The following SRGAP2 variants were observed in gnomAD, a reference collection of about 807,000 sequenced individuals.
SRGAP2 encodes SLIT-ROBO Rho GTPase-activating protein 2.
In SRGAP2, 15 loss-of-function variants were observed where a neutral mutation model predicts 57.2. The ratio of observed to expected loss-of-function variants is 0.26; its 90% CI spans 0.18 to 0.40. SRGAP2 has a LOEUF of 0.40. Among genes scored for constraint, SRGAP2 ranks in the 10% least tolerant of loss-of-function variants. The pLI is 1.00. For synonymous variants in SRGAP2, 249 were observed against 248.0 expected, an observed-to-expected ratio of 1.00 and a Z score of -0.04; for missense variants, 520 against 669.6, an observed-to-expected ratio of 0.78 and a Z score of 2.47.
chr1:206,453,182 CT>C lies in SRGAP2; in HGVS notation c.2180-14del, dbSNP rs782759643. The C allele has an allele frequency of 3.6e-4, 176 of 483,780 alleles. No homozygotes were observed. The East Asian group carries it at 5.9e-3, about 16-fold the overall frequency. The allele number at this position is 483,780 out of a possible 1,614,324, so 30.0% of individuals were successfully genotyped here. ...AGGTCCCAAGAACATGTGTTTACTT[CT>C]TTTCCACCCTTCTCAGAATGTGAGC... On this transcript the variant is annotated splice_polypyrimidine_tract_variant and intron_variant, in intron 19 of 22. Transcript: ENST00000573034.
intron 4 of SRGAP2, among the ~76,000 whole-genome samples, chr1:206,345,241 T>A (rs199523595): frequency 0.03 from 889 of 29,234 alleles, no homozygotes; most frequent in East Asian, 0.13. Context: ...CAGTATGTAC[T>A]CTTTTTTGTT....
At chr1:206,304,475 T>C (rs1672072592) in intron 3 of SRGAP2, among the ~76,000 whole-genome samples, 1 of 148,266 alleles carries the variant, frequency 6.7e-6, no homozygotes, top group East Asian at 2.0e-4. Context: ...ACCCATAAAA[T>C]ATGCTAATAC....
At chr1:206,260,478 C>T (rs1211898072) in intron 2 of SRGAP2, among the ~76,000 whole-genome samples, 7 of 152,054 alleles carry the variant, frequency 4.6e-5, no homozygotes, top group Non-Finnish European at 8.8e-5. Context: ...GGGTGTCACT[C>T]TTAATAGTTC....
chr1:206,318,727 G>A (rs1297527129), intron 3 of SRGAP2, among the ~76,000 whole-genome samples: 2 of 152,112 alleles, frequency 1.3e-5, no homozygotes, highest in African/African-American at 4.8e-5. Flanking sequence ...GTGAGAGTGG[G>A]AGTGAGAGTC....
rs1484629685 is a variant in SRGAP2 at position 206,203,593 on chromosome 1, G to A, written c.-600G>A. ...AACGGGTGGCGGGGAAGAGAGGGGA[G>A]GAGAGCTCTGAGTGGGAAGCGGAGC... On this transcript the variant is annotated 5_prime_UTR_variant, in exon 1 of 23. Transcript: ENST00000573034. 9.0e-5 allele frequency: 53 copies of A among 590,362 alleles called. No homozygotes were observed. Among genetic ancestry groups the A allele is most frequent in the Admixed American group, 2.8e-4 (9 of 31,592 alleles). The allele number at this position is 590,362 out of a possible 1,614,324, so 36.6% of individuals were successfully genotyped here. A position where few individuals can be genotyped will look rare whatever the true frequency, so the allele number is the denominator to read the frequency against.
chr1:206,450,539 A>G, intron 19 of SRGAP2, 74 bp downstream of exon 19: 1 of 735,964 alleles, frequency 1.4e-6, no homozygotes, highest in South Asian at 1.4e-5. Context: ...TATCCTGTGC[A>G]TCTGATGAAC....
chr1:206,239,110 A>G (rs1553308564), intron 2 of SRGAP2, among the ~76,000 whole-genome samples: 1 of 150,508 alleles, frequency 6.6e-6, no homozygotes, highest in African/African-American at 2.4e-5. Flanking sequence ...AGCAGATACT[A>G]CAAATGCAAT....
Position 206,418,908 on chromosome 1 carries a change from G to C in SRGAP2, c.1442-465G>C, listed in dbSNP as rs1022181859. ...TCTCTCTGTGTGTGTGTGTGTGTGT[G>C]TGTGTGTGTGTGTGTGTGTGTGTGT... On this transcript the variant is annotated intron_variant, in intron 11 of 22. Coordinates refer to ENST00000573034, the MANE Select transcript of SRGAP2 (RefSeq NM_015326.5). Among the ~76,000 whole-genome samples the C allele has an allele frequency of 7.6e-3, 1,152 of 151,644 alleles. 21 individuals are homozygous for C. Among genetic ancestry groups the C allele is most frequent in the African/African-American group, 0.026 (1,091 of 41,306 alleles).
Position 206,453,251 on chromosome 1 carries a change from C to A in SRGAP2, c.2231C>A (p.Ala744Asp). 1.4e-6 allele frequency: 1 copy of A among 731,560 alleles called. No individual in the cohort carries two copies. The highest frequency in any genetic ancestry group is 2.6e-6 in the Non-Finnish European group (1 of 391,866). 45.3% of individuals were successfully genotyped at this position (731,560 alleles called of 1,614,324 possible). The change falls in exon 20 of 23, where the codon GCC becomes GAC. Residue 744 changes from alanine to aspartate, a missense_variant. This residue lies in a region of SRGAP2 where 478 missense variants were observed against 373.6 expected (regional missense o/e 1.28). Transcript: ENST00000573034. ...AAGTTTGACTACGTGGGCCGGACAG[C>A]CCGAGAGCTATCCTTTAAGAAGGGA... ...IAKFDYVGRT[A>D]RELSFKKGAS...
At chr1:206,360,458 G>C (rs571153941) in intron 4 of SRGAP2, among the ~76,000 whole-genome samples, 2 of 148,752 alleles carry the variant, frequency 1.3e-5, no homozygotes, top group East Asian at 4.0e-4. Flanking sequence ...TGTGTGAAGA[G>C]AGTGCTTTAG....
At chr1:206,433,537 A>T (rs1558428203) in intron 14 of SRGAP2, among the ~76,000 whole-genome samples, 1 of 152,026 alleles carries the variant, frequency 6.6e-6, no homozygotes, top group Admixed American at 6.6e-5. Context: ...TCTACTCGGG[A>T]GGCTGAGGCA....
chr1:206,270,793 A>G (rs1670139112), intron 2 of SRGAP2, among the ~76,000 whole-genome samples: 1 of 38,572 alleles, frequency 2.6e-5, no homozygotes, highest in Non-Finnish European at 4.8e-5. Context: ...CACAGTTAGT[A>G]TTTCTTGAAG....
At chr1:206,433,133 G>C (rs1572142742) in intron 14 of SRGAP2, among the ~76,000 whole-genome samples, 1 of 152,036 alleles carries the variant, frequency 6.6e-6, no homozygotes, top group Non-Finnish European at 1.5e-5. Context: ...GAGAGAAGAA[G>C]ATATAAGAAT....
chr1:206,370,848 T>G (rs1654485310), intron 4 of SRGAP2, among the ~76,000 whole-genome samples: 1 of 147,428 alleles, frequency 6.8e-6, no homozygotes, highest in Admixed American at 6.8e-5. Context: ...GATTAGATGG[T>G]GCTGAATAAA....
chr1:206,401,978 A>G (rs1341212673), intron 8 of SRGAP2, among the ~76,000 whole-genome samples: 2 of 151,410 alleles, frequency 1.3e-5, no homozygotes, highest in Non-Finnish European at 2.9e-5. Context: ...AACAGCAGGT[A>G]TATTCTAAAA....
At chr1:206,340,281 C>T (rs199700815) in intron 3 of SRGAP2, among the ~76,000 whole-genome samples, 5 of 136,166 alleles carry the variant, frequency 3.7e-5, no homozygotes, top group East Asian at 2.3e-4. Context: ...TTTTGATCTG[C>T]GGTCTACCTT....
intron 13 of SRGAP2, among the ~76,000 whole-genome samples, chr1:206,421,595 C>A (rs782237726): frequency 6.6e-6 from 1 of 152,226 alleles, no homozygotes; most frequent in Non-Finnish European, 1.5e-5. Flanking sequence ...AGGCTTGACA[C>A]TTCCTACATT....
chr1:206,398,331 T>C (rs1181625191), intron 7 of SRGAP2, among the ~76,000 whole-genome samples: 3 of 151,548 alleles, frequency 2.0e-5, no homozygotes, highest in African/African-American at 7.3e-5. Flanking sequence ...TACAGGTATA[T>C]AGATAGTCAA....
rs1192198662 is a variant in SRGAP2 at position 206,372,898 on chromosome 1, C to CCTTT, written c.424-11059_424-11056dup. On this transcript the variant is annotated intron_variant, in intron 4 of 22. Coordinates refer to ENST00000573034, the MANE Select transcript of SRGAP2 (RefSeq NM_015326.5). The stretch of plus-strand genomic sequence containing the variant: ...TAGATTCCTTTCTTTCTTTCTCTCT[C>CCTTT]CTTTCTTTCTTTCTTTCTTTCTTTC... Among the ~76,000 whole-genome samples, 264 of 26,738 alleles carry CCTTT rather than the reference C, an allele frequency of 9.9e-3. 26 individuals carry two copies. The highest frequency in any genetic ancestry group is 0.014 in the Non-Finnish European group (202 of 14,766). The allele number at this position is 26,738 out of a possible 152,430, so 17.5% of individuals were successfully genotyped here. A position where few individuals can be genotyped will look rare whatever the true frequency, so the allele number is the denominator to read the frequency against.
Sources: allele counts gnomAD v4.1 joint callset (sites outside exome capture counted in the v4.1 genomes callset), GRCh38; gene constraint gnomAD v4.1.1; regional missense constraint gnomAD v4.1.1; transcripts MANE v1.5; gene names NCBI Gene and HGNC (gene_info 2026-07-23, HGNC 2026-07-21).